Variants in KCNIP4 observed in about 807,000 individuals in gnomAD.
The protein encoded by KCNIP4 is potassium voltage-gated channel interacting protein 4.
Under a neutral mutation model 34.0 loss-of-function variants are expected in KCNIP4, and 12 were observed. The ratio of observed to expected loss-of-function variants is 0.35; its 90% CI spans 0.23 to 0.57. KCNIP4 has a LOEUF of 0.57. KCNIP4 is among the 20% of genes least tolerant of loss of function. KCNIP4 has a pLI of 0.83. For synonymous variants in KCNIP4, 124 were observed against 102.2 expected, an observed-to-expected ratio of 1.21 and a Z score of -1.29; for missense variants, 238 against 311.7, an observed-to-expected ratio of 0.76 and a Z score of 1.78.
chr4:20,959,193 G>T (rs1186513622), intron 1 of KCNIP4, among the ~76,000 whole-genome samples: 1 of 152,162 alleles, frequency 6.6e-6, no homozygotes, highest in African/African-American at 2.4e-5. Context: ...CAGGCCAAAT[G>T]GGTGACATGG....
intron 1 of KCNIP4, among the ~76,000 whole-genome samples, chr4:21,494,294 G>A (rs1732659654): frequency 6.6e-6 from 1 of 151,890 alleles, no homozygotes; most frequent in South Asian, 2.1e-4. Context: ...AAACTTTTTA[G>A]ATGTTATAAG....
intron 1 of KCNIP4, among the ~76,000 whole-genome samples, chr4:21,689,529 A>C (rs990541826): frequency 3.3e-5 from 5 of 152,142 alleles, no homozygotes; most frequent in African/African-American, 1.2e-4. Flanking sequence ...TCTCAGAAAG[A>C]TGGCTGGGGG....
At chr4:21,595,716 T>A (rs1228470350) in intron 1 of KCNIP4, among the ~76,000 whole-genome samples, 3 of 152,046 alleles carry the variant, frequency 2.0e-5, no homozygotes, top group African/African-American at 7.2e-5. Context: ...CTATAGTTTA[T>A]GCAAGCAATA....
chr4:21,257,150 G>T (rs1218809226), intron 1 of KCNIP4, among the ~76,000 whole-genome samples: 1 of 152,140 alleles, frequency 6.6e-6, no homozygotes, highest in African/African-American at 2.4e-5. Context: ...TTCATTGACA[G>T]TGTGTCATCA....
chr4:21,105,738 TA>T (rs1225691086), intron 1 of KCNIP4, among the ~76,000 whole-genome samples: 1 of 151,578 alleles, frequency 6.6e-6, no homozygotes, highest in African/African-American at 2.4e-5. Flanking sequence ...GGGTTTGTCA[TA>T]GATAGCTCTT....
intron 1 of KCNIP4, among the ~76,000 whole-genome samples, chr4:21,489,321 G>GAAAAA (rs529825719): frequency 8.0e-6 from 1 of 125,538 alleles, no homozygotes. Flanking sequence ...ACATAGAGTT[G>GAAAAA]AAAAAAAAAA....
intron 1 of KCNIP4, among the ~76,000 whole-genome samples, chr4:21,105,080 T>C (rs528008856): frequency 1.6e-4 from 25 of 151,770 alleles, no homozygotes; most frequent in Non-Finnish European, 3.4e-4. Context: ...CAATGTGGTC[T>C]CTTTTTTGGT....
At chr4:21,121,505 A>C (rs1750152503) in intron 1 of KCNIP4, among the ~76,000 whole-genome samples, 6 of 152,364 alleles carry the variant, frequency 3.9e-5, no homozygotes. Context: ...TAGAAAGTAA[A>C]AGTGCTGACT....
intron 1 of KCNIP4, among the ~76,000 whole-genome samples, chr4:20,961,762 T>C (rs1733873100): frequency 6.6e-6 from 1 of 152,176 alleles, no homozygotes; most frequent in African/African-American, 2.4e-5. Flanking sequence ...CTCCCTGGAA[T>C]GACATGAAAA....
chr4:20,900,986 C>A (rs1727100178), intron 1 of KCNIP4, among the ~76,000 whole-genome samples: 1 of 152,110 alleles, frequency 6.6e-6, no homozygotes, highest in Non-Finnish European at 1.5e-5. Context: ...ACAATCTCAG[C>A]ACCACATGTG....
At chr4:21,536,427 C>T (rs1009778987) in intron 1 of KCNIP4, among the ~76,000 whole-genome samples, 2 of 152,118 alleles carry the variant, frequency 1.3e-5, no homozygotes, top group East Asian at 1.9e-4. Context: ...AACCAAAATA[C>T]GAATGAAAGG....
intron 1 of KCNIP4, among the ~76,000 whole-genome samples, chr4:21,335,338 T>G (rs184754034): frequency 6.6e-6 from 1 of 152,226 alleles, no homozygotes; most frequent in Non-Finnish European, 1.5e-5. Flanking sequence ...ACTAAAATTT[T>G]ATAAAGAAAT....
intron 1 of KCNIP4, among the ~76,000 whole-genome samples, chr4:21,107,108 T>C (rs200942875): frequency 0.24 from 32,412 of 136,426 alleles, 4,261 homozygotes; most frequent in African/African-American, 0.34. Context: ...TAGATGTCTA[T>C]TAGGTCCGCT....
At chr4:20,764,504 T>G (rs912691330) in intron 3 of KCNIP4, among the ~76,000 whole-genome samples, 16 of 152,100 alleles carry the variant, frequency 1.1e-4, no homozygotes, top group African/African-American at 3.6e-4. Flanking sequence ...GGTTTCTTCT[T>G]TATGACTAAT....
At chr4:20,819,769 T>A (rs1716875935) in intron 3 of KCNIP4, among the ~76,000 whole-genome samples, 2 of 152,188 alleles carry the variant, frequency 1.3e-5, no homozygotes, top group Non-Finnish European at 2.9e-5. Context: ...CTTCAGCTCT[T>A]CCACCCCTTC....
chr4:20,968,435 C>T (rs1734595830), intron 1 of KCNIP4, among the ~76,000 whole-genome samples: 1 of 151,968 alleles, frequency 6.6e-6, no homozygotes, highest in Non-Finnish European at 1.5e-5. Flanking sequence ...AGGTATATAC[C>T]CAAAGGATTA....
chr4:21,782,178 C>G (rs1282111336), intron 1 of KCNIP4, among the ~76,000 whole-genome samples: 1 of 152,062 alleles, frequency 6.6e-6, no homozygotes. Flanking sequence ...TGAAAAAACA[C>G]GACCTAACTA....
intron 1 of KCNIP4, among the ~76,000 whole-genome samples, chr4:21,081,111 G>T (rs889016748): frequency 6.6e-6 from 1 of 151,624 alleles, no homozygotes. Flanking sequence ...CACTTTAAGA[G>T]GCATGATATA....
intron 3 of KCNIP4, among the ~76,000 whole-genome samples, chr4:20,784,182 G>T (rs573619107): frequency 8.5e-5 from 13 of 152,254 alleles, no homozygotes; most frequent in African/African-American, 3.1e-4. Flanking sequence ...TATCTAGCTT[G>T]CTGTTCAAAT....
Sources: gnomAD v4.1 joint callset for allele counts (sites outside exome capture counted in the v4.1 genomes callset) on GRCh38, gnomAD v4.1.1 for gene constraint, MANE v1.5 for transcripts, NCBI Gene and HGNC (gene_info 2026-07-23, HGNC 2026-07-21) for gene names.